The following VOPP1 variants were observed in gnomAD, a reference collection of about 807,000 sequenced individuals.
VOPP1 encodes VOPP1 WW domain binding protein, also known as WW domain binding protein VOPP1.
Under a neutral mutation model 23.5 loss-of-function variants are expected in VOPP1, and 8 were observed. The ratio of observed to expected loss-of-function variants is 0.34; its 90% CI spans 0.20 to 0.61. VOPP1 has a LOEUF of 0.61. Ranked by LOEUF, VOPP1 falls within the 20% of genes least tolerant of loss-of-function variation. VOPP1 has a pLI of 0.78. For synonymous variants in VOPP1, 83 were observed against 97.3 expected (o/e 0.85, Z 0.86); for missense variants, 174 against 238.1 (o/e 0.73, Z 1.77).
chr7:55,569,457 T>C (rs1024693628), intron 1 of VOPP1, among the ~76,000 whole-genome samples: 2 of 152,186 alleles, frequency 1.3e-5, no homozygotes, highest in Non-Finnish European at 2.9e-5. Flanking sequence ...ATTCCTAACA[T>C]GTTCCTGTGT....
intron 4 of VOPP1, 37 bp from the exon 5 acceptor site, chr7:55,473,082 A>G: frequency 1.3e-6 from 2 of 1,573,220 alleles, no homozygotes; most frequent in Middle Eastern, 3.4e-4. Context: ...CACAGAAGGG[A>G]AAGCCCCATC....
chr7:55,478,066 G>A (rs1237889199), intron 4 of VOPP1, among the ~76,000 whole-genome samples: 1 of 152,178 alleles, frequency 6.6e-6, no homozygotes, highest in African/African-American at 2.4e-5. Flanking sequence ...AGAGAAGGTG[G>A]ACCCAGTTCT....
chr7:55,532,968 A>G (rs940218085), intron 1 of VOPP1, among the ~76,000 whole-genome samples: 1 of 152,222 alleles, frequency 6.6e-6, no homozygotes, highest in Non-Finnish European at 1.5e-5. Context: ...AAGCTGTTAC[A>G]GCAAATTTGG....
Position 55,570,615 on chromosome 7 carries a change from GAAACGCTAA to G in VOPP1, c.54+1647_54+1655del, listed in dbSNP as rs1798314952. Among the ~76,000 whole-genome samples the G allele has an allele frequency of 2.0e-5, 3 of 152,164 alleles. No homozygotes were observed. The South Asian group carries it at 6.2e-4, about 31-fold the overall frequency. On this transcript the variant is annotated intron_variant, in intron 1 of 4. Transcript: ENST00000285279. Reference sequence around the variant, plus strand: ...ATGGGTGGCACAAACTAGAATGAAAGAAACGCTAAATAATTTCATCAAGTGCCGATTAAA... The same window carrying G: ...ATGGGTGGCACAAACTAGAATGAAAGATAATTTCATCAAGTGCCGATTAAA...
chr7:55,538,533 G>T, intron 1 of VOPP1: 2 of 1,320,602 alleles, frequency 1.5e-6, no homozygotes, highest in Non-Finnish European at 2.1e-6. Context: ...AAAGACTGAG[G>T]ATTCCACAGT....
intron 2 of VOPP1, chr7:55,515,908 C>T: frequency 1.1e-6 from 1 of 932,442 alleles, no homozygotes. Context: ...TTGGATCCTG[C>T]AGGACATGCT....
intron 4 of VOPP1, among the ~76,000 whole-genome samples, chr7:55,445,255 A>G (rs1791070818): frequency 1.9e-5 from 2 of 107,662 alleles, no homozygotes; most frequent in Middle Eastern, 4.6e-3. Context: ...ACACACACAC[A>G]CACACACAGA....
intron 4 of VOPP1, among the ~76,000 whole-genome samples, chr7:55,439,581 G>A (rs1001968032): frequency 4.6e-5 from 7 of 152,362 alleles, no homozygotes; most frequent in East Asian, 3.9e-4. Context: ...AACACAGGAC[G>A]CAGTGGAAGT....
At chr7:55,523,669 C>G (rs1430426554) in intron 1 of VOPP1, among the ~76,000 whole-genome samples, 1 of 152,210 alleles carries the variant, frequency 6.6e-6, no homozygotes, top group Non-Finnish European at 1.5e-5. Flanking sequence ...CAATCCCTTA[C>G]ATTTCTCCTT....
At chr7:55,440,793 TA>T (rs1400043166) in intron 4 of VOPP1, among the ~76,000 whole-genome samples, 1 of 152,174 alleles carries the variant, frequency 6.6e-6, no homozygotes, top group African/African-American at 2.4e-5. Context: ...CGGATGTATT[TA>T]AGCCCATGAG....
At chr7:55,476,408 G>A (rs568197439) in intron 4 of VOPP1, among the ~76,000 whole-genome samples, 1,981 of 145,552 alleles carry the variant, frequency 0.014, 54 homozygotes, top group Non-Finnish European at 0.014. Flanking sequence ...CTCTAGCCCA[G>A]CTGACTGGCC....
chr7:55,560,225 T>C (rs1425304121), intron 1 of VOPP1, among the ~76,000 whole-genome samples: 1 of 152,210 alleles, frequency 6.6e-6, no homozygotes, highest in Non-Finnish European at 1.5e-5. Flanking sequence ...AGCAACATTT[T>C]TTTTCAACCT....
chr7:55,478,147 A>C (rs1440935694), intron 4 of VOPP1, among the ~76,000 whole-genome samples: 1 of 152,252 alleles, frequency 6.6e-6, no homozygotes, highest in South Asian at 2.1e-4. Context: ...GCCTGCGGAC[A>C]GAAGACCAGC....
intron 1 of VOPP1, among the ~76,000 whole-genome samples, chr7:55,546,474 T>A (rs1433052000): frequency 3.9e-5 from 6 of 152,294 alleles, no homozygotes; most frequent in Middle Eastern, 3.4e-3. Flanking sequence ...GGGACATTAA[T>A]GGAAAAACTG....
intron 1 of VOPP1, among the ~76,000 whole-genome samples, chr7:55,528,715 G>GA (rs1414232359): frequency 6.6e-6 from 1 of 151,248 alleles, no homozygotes; most frequent in Non-Finnish European, 1.5e-5. Flanking sequence ...TTTAAAATAA[G>GA]AAAATATAAC....
intron 1 of VOPP1, among the ~76,000 whole-genome samples, chr7:55,556,250 G>A (rs544035065): frequency 1.4e-3 from 214 of 152,306 alleles, no homozygotes; most frequent in African/African-American, 4.9e-3. Flanking sequence ...GGGAGAGACA[G>A]GGGTTCAGCC....
Position 55,497,564 on chromosome 7 carries a change from G to T in VOPP1, c.191+49C>A, listed in dbSNP as rs774138253. 4.3e-5 allele frequency: 61 copies of T among 1,415,496 alleles called. 4 individuals are homozygous for T. The highest frequency in any genetic ancestry group is 7.8e-5 in the South Asian group (6 of 76,972). 87.7% of individuals were successfully genotyped at this position (1,415,496 alleles called of 1,614,324 possible). On this transcript the variant is annotated intron_variant, in intron 3 of 4. Coordinates refer to ENST00000285279, the MANE Select transcript of VOPP1 (RefSeq NM_030796.5). ...CTGTGACAACACTGATGGGGGGGGG[G>T]GGGGGGCAGAGCTCTCGGGGTAGGG...
In VOPP1 at chr7:55,482,345, G is replaced by GT. The variant is rs1347033367; in HGVS notation, c.329-9301dup. ...TTTGGGGAAGAGAGGAAGAAGGGAG[G>GT]TATTTTTTTTTTTTTTTTTTGAGAC... On this transcript the variant is annotated intron_variant, in intron 4 of 4. Coordinates refer to ENST00000285279, the MANE Select transcript of VOPP1 (RefSeq NM_030796.5). Among the ~76,000 whole-genome samples the GT allele has an allele frequency of 3.8e-5, 4 of 106,278 alleles. No individual in the cohort carries two copies. The Admixed American group carries it at 4.2e-4, about 11-fold the overall frequency. 69.7% of individuals were successfully genotyped at this position (106,278 alleles called of 152,430 possible). A position where few individuals can be genotyped will look rare whatever the true frequency, so the allele number is the denominator to read the frequency against.
chr7:55,545,844 G>T (rs952373892), intron 1 of VOPP1, among the ~76,000 whole-genome samples: 3 of 152,066 alleles, frequency 2.0e-5, no homozygotes, highest in Non-Finnish European at 2.9e-5. Context: ...TGAGGTAGGC[G>T]GATCCCTTGA....
Sources: gnomAD v4.1 joint callset for allele counts (sites outside exome capture counted in the v4.1 genomes callset) on GRCh38, gnomAD v4.1.1 for gene constraint, MANE v1.5 for transcripts, NCBI Gene and HGNC (gene_info 2026-07-23, HGNC 2026-07-21) for gene names.